The following PHF14 variants were observed in gnomAD, a reference collection of about 807,000 sequenced individuals.
The protein encoded by PHF14 is PHD finger protein 14.
PHF14 carries 55 observed loss-of-function variants against 117.9 expected under a neutral mutation model. The observed-to-expected ratio is 0.47, with a 90% CI of 0.38 to 0.58. The LOEUF is 0.58. Ranked by LOEUF, PHF14 falls within the 20% of genes least tolerant of loss-of-function variation. PHF14 has a pLI of 0.00. For synonymous variants in PHF14, 409 were observed against 368.6 expected (o/e 1.11, Z -1.26); for missense variants, 978 against 1,122.2 (o/e 0.87, Z 1.84).
chr7:11,168,128 G>A (rs910721296), intron 17 of PHF14, among the ~76,000 whole-genome samples: 17 of 151,994 alleles, frequency 1.1e-4, no homozygotes, highest in African/African-American at 3.9e-4. Flanking sequence ...CTATTCACTG[G>A]AGATAAAATA....
rs116563960 is a variant in PHF14 at position 11,130,919 on chromosome 7, G to T, written c.2772+19452G>T. Among the ~76,000 whole-genome samples, 24 of 151,818 alleles carry T rather than the reference G, an allele frequency of 1.6e-4. No individual in the cohort carries two copies. The highest frequency in any genetic ancestry group is 3.9e-4 in the Admixed American group (6 of 15,202). On this transcript the variant is annotated intron_variant, in intron 17 of 17. Coordinates refer to ENST00000634607, the MANE Select transcript of PHF14 (RefSeq NM_001007157.2). The surrounding 1 kb of genome is among the most constrained non-coding windows in gnomAD (Gnocchi z 4.2). The stretch of plus-strand genomic sequence containing the variant: ...TTTTCTGAATGTCATATAGTATGTA[G>T]CCTGTTCAATTTGGCTTCTTTCCGT...
intron 5 of PHF14, among the ~76,000 whole-genome samples, chr7:11,018,157 A>C (rs957504897): frequency 3.3e-5 from 5 of 152,090 alleles, no homozygotes; most frequent in Non-Finnish European, 7.4e-5. Context: ...TGTTTTGGCT[A>C]CTGTAGGTTT....
intron 7 of PHF14, among the ~76,000 whole-genome samples, chr7:11,034,619 G>A (rs1784250633): frequency 7.5e-6 from 1 of 133,964 alleles, no homozygotes. Flanking sequence ...CGCGATCTCG[G>A]TTAATTACAA....
intron 16 of PHF14, chr7:11,107,069 T>C (rs778760124): frequency 3.3e-5 from 32 of 983,612 alleles, no homozygotes; most frequent in Middle Eastern, 5.2e-4. Flanking sequence ...CTTAATTGTT[T>C]CAGTTAGGTT....
At chr7:11,094,460 C>G (rs1326192593) in intron 16 of PHF14, among the ~76,000 whole-genome samples, 1 of 152,132 alleles carries the variant, frequency 6.6e-6, no homozygotes, top group African/African-American at 2.4e-5. Flanking sequence ...TCTGACTCCT[C>G]CTACTTCTCT....
intron 4 of PHF14, among the ~76,000 whole-genome samples, 183 bp downstream of exon 4, chr7:10,991,030 G>A (rs1270053368): frequency 1.3e-5 from 2 of 152,022 alleles, no homozygotes; most frequent in South Asian, 2.1e-4. Context: ...TCACTGTGTC[G>A]CCCAGGCTGG....
chr7:11,133,172 A>C (rs1788131697), intron 17 of PHF14, among the ~76,000 whole-genome samples: 1 of 151,952 alleles, frequency 6.6e-6, no homozygotes. Flanking sequence ...TCGAACTCTC[A>C]GCAAGTTATT....
intron 16 of PHF14, chr7:11,106,425 A>G (rs952857036): frequency 2.1e-6 from 2 of 952,968 alleles, no homozygotes; most frequent in Middle Eastern, 5.3e-4. Flanking sequence ...ATTATTTTGT[A>G]TAGAAACTGC....
intron 2 of PHF14, among the ~76,000 whole-genome samples, chr7:10,981,157 T>C (rs1782032170): frequency 6.6e-6 from 1 of 152,190 alleles, no homozygotes; most frequent in South Asian, 2.1e-4. Flanking sequence ...CTTCCTTCAA[T>C]TTTAGTGCTT....
intron 4 of PHF14, among the ~76,000 whole-genome samples, chr7:10,996,418 G>A (rs1782646827): frequency 6.6e-6 from 1 of 152,144 alleles, no homozygotes. Flanking sequence ...TACTTTAGAG[G>A]AGATGGGGAA....
rs1219699075 is a variant in PHF14 at position 11,031,823 on chromosome 7, T to TA, written c.1455+3006dup. 2.6e-5 allele frequency among the ~76,000 whole-genome samples: 4 copies of TA among 152,154 alleles called. No individual in the cohort carries two copies. The East Asian group carries it at 7.7e-4, about 29-fold the overall frequency. ...AGGCTCAGTTATGCTGACTACAACT[T>TA]ATGTTACTATGTTTTACATTATATA... On this transcript the variant is annotated intron_variant, in intron 7 of 17. Coordinates refer to ENST00000634607, the MANE Select transcript of PHF14 (RefSeq NM_001007157.2).
At chr7:11,148,524 A>G (rs970283004) in intron 17 of PHF14, among the ~76,000 whole-genome samples, 2 of 152,170 alleles carry the variant, frequency 1.3e-5, no homozygotes, top group African/African-American at 4.8e-5. Context: ...CTAAGAGAAC[A>G]TGTGCTCCCA....
chr7:11,075,344 G>C (rs28420806), intron 16 of PHF14, among the ~76,000 whole-genome samples: 2,493 of 152,236 alleles, frequency 0.016, 65 homozygotes, highest in African/African-American at 0.057. Context: ...ATAAAGAAAA[G>C]AGGTTTATTT....
chr7:11,131,886 T>C (rs1788100286), intron 17 of PHF14, among the ~76,000 whole-genome samples: 1 of 151,870 alleles, frequency 6.6e-6, no homozygotes, highest in African/African-American at 2.4e-5. Flanking sequence ...GGTCCAGCAC[T>C]ATTTGTTAAT....
At chr7:11,028,481 G>T (rs146985942) in intron 6 of PHF14, among the ~76,000 whole-genome samples, 200 bp from the exon 7 acceptor site, 24 of 152,156 alleles carry the variant, frequency 1.6e-4, no homozygotes, top group African/African-American at 5.5e-4. Context: ...GTTGAATTTT[G>T]ATTTATTTGA....
At chr7:11,146,795 C>G (rs1050398278) in intron 17 of PHF14, among the ~76,000 whole-genome samples, 1 of 152,052 alleles carries the variant, frequency 6.6e-6, no homozygotes, top group African/African-American at 2.4e-5. Flanking sequence ...ACAATAAATG[C>G]AATTGACTCA....
intron 17 of PHF14, among the ~76,000 whole-genome samples, chr7:11,168,794 G>A (rs1045882987): frequency 6.6e-6 from 1 of 152,016 alleles, no homozygotes; most frequent in Admixed American, 6.6e-5. Context: ...ATTTAATACT[G>A]AACACAAGAT....
intron 16 of PHF14, chr7:11,062,490 G>A (rs1432070817): frequency 6.3e-6 from 1 of 159,948 alleles, no homozygotes; most frequent in Non-Finnish European, 1.3e-5. Context: ...ATGGTGAGAA[G>A]ACAGACTTTT....
chr7:11,068,442 T>G (rs1785498854), intron 16 of PHF14, among the ~76,000 whole-genome samples: 1 of 150,484 alleles, frequency 6.6e-6, no homozygotes, highest in Non-Finnish European at 1.5e-5. Flanking sequence ...TACAGAAGGG[T>G]ACAAATAATG....
Sources: allele counts gnomAD v4.1 joint callset (sites outside exome capture counted in the v4.1 genomes callset), GRCh38; gene constraint gnomAD v4.1.1; non-coding constraint Gnocchi (gnomAD v3.1); transcripts MANE v1.5; gene names NCBI Gene and HGNC (gene_info 2026-07-23, HGNC 2026-07-21).